MALRD1: variants seen among roughly 807,000 people sequenced by gnomAD.
MALRD1 encodes the protein MAM and LDL receptor class A domain containing 1.
MALRD1 carries 247 observed loss-of-function variants against 242.1 expected under a neutral mutation model. The ratio of observed to expected loss-of-function variants is 1.02; its 90% CI spans 0.92 to 1.13. The LOEUF (loss-of-function observed/expected upper bound fraction) is 1.13. MALRD1 is among the 50% of genes most tolerant of loss of function. MALRD1 has a pLI of 0.00. For synonymous variants in MALRD1, 995 were observed against 866.6 expected (o/e 1.15, Z -2.60); for missense variants, 2,989 against 2,533.1 (o/e 1.18, Z -3.86).
chr10:19,599,824 GGTTAGTCCATGCTGA>G (rs1179869090), intron 34 of MALRD1, among the ~76,000 whole-genome samples: 1 of 152,060 alleles, frequency 6.6e-6, no homozygotes, highest in Admixed American at 6.6e-5. Flanking sequence ...TAAGGCAAGC[GGTTAGTCCATGCTGA>G]TCTCAAAGAG....
intron 12 of MALRD1, among the ~76,000 whole-genome samples, chr10:19,160,648 T>C (rs1834355161): frequency 3.1e-5 from 1 of 32,632 alleles, no homozygotes; most frequent in Non-Finnish European, 6.2e-5. Flanking sequence ...GAGCCTGTTA[T>C]TGGTCTATTC....
chr10:19,185,315 T>A (rs1307619883), intron 14 of MALRD1, among the ~76,000 whole-genome samples: 2 of 152,194 alleles, frequency 1.3e-5, no homozygotes, highest in African/African-American at 2.4e-5. Context: ...GTGAGCACTA[T>A]AATTTATTTC....
intron 20 of MALRD1, among the ~76,000 whole-genome samples, chr10:19,282,006 C>A (rs1159705512): frequency 1.3e-5 from 2 of 148,614 alleles, no homozygotes; most frequent in East Asian, 2.0e-4. Context: ...AACATGAGAT[C>A]TACCATCTTA....
intron 18 of MALRD1, among the ~76,000 whole-genome samples, chr10:19,238,560 T>A (rs1838594419): frequency 2.4e-5 from 2 of 83,366 alleles, no homozygotes; most frequent in Non-Finnish European, 4.8e-5. Context: ...ATGTATATTA[T>A]ATATAATATA....
rs771305023 is a variant in MALRD1 at position 19,238,498 on chromosome 10, A to AATGTATATTATATATAATGTACATTAT, written c.2992-19184_2992-19183insGTATATTATATATAATGTACATTATAT. On this transcript the variant is annotated intron_variant, in intron 18 of 39. Transcript: ENST00000454679. ...ATAATATACATTATATATAATATAT[A>AATGTATATTATATATAATGTACATTAT]ATATAATATATAATGTATATTATAT... 2.1e-3 allele frequency among the ~76,000 whole-genome samples: 15 copies of AATGTATATTATATATAATGTACATTAT among 7,158 alleles called. 3 individuals are homozygous for AATGTATATTATATATAATGTACATTAT. The highest frequency in any genetic ancestry group is 8.1e-3 in the South Asian group (2 of 246). The allele number at this position is 7,158 out of a possible 152,430, so 4.7% of individuals were successfully genotyped here. A position where few individuals can be genotyped will look rare whatever the true frequency, so the allele number is the denominator to read the frequency against.
chr10:19,294,615 C>T (rs1189706749), intron 21 of MALRD1, among the ~76,000 whole-genome samples: 1 of 152,132 alleles, frequency 6.6e-6, no homozygotes, highest in Non-Finnish European at 1.5e-5. Flanking sequence ...GTGGTCCACT[C>T]AGGTAACGAC....
chr10:19,576,892 A>T (rs962339609), intron 33 of MALRD1, among the ~76,000 whole-genome samples: 1 of 151,432 alleles, frequency 6.6e-6, no homozygotes, highest in Non-Finnish European at 1.5e-5. Flanking sequence ...TATATCTTAT[A>T]AGGTATTGTT....
rs910090153 is a variant in MALRD1 at position 19,155,324 on chromosome 10, G to A, written c.1656+152G>A. 5.3e-5 allele frequency among the ~76,000 whole-genome samples: 8 copies of A among 152,250 alleles called. No homozygotes were observed. In the South Asian group the frequency reaches 1.2e-3, roughly 24 times the overall value. Reference sequence around the variant, plus strand: ...GCGCTATTTCAACACAAAATGCTACGTCCTTCTAGAATACCATTTGTAACA... The same window carrying A: ...GCGCTATTTCAACACAAAATGCTACATCCTTCTAGAATACCATTTGTAACA... On this transcript the variant is annotated intron_variant, in intron 12 of 39. Transcript: ENST00000454679.
At chr10:19,580,204 T>A (rs1448858988) in intron 33 of MALRD1, among the ~76,000 whole-genome samples, 1 of 152,210 alleles carries the variant, frequency 6.6e-6, no homozygotes, top group African/African-American at 2.4e-5. Flanking sequence ...TATTGGGGGT[T>A]ATACGAAGGC....
chr10:19,357,333 A>G (rs2078223766), intron 26 of MALRD1, among the ~76,000 whole-genome samples: 1 of 151,976 alleles, frequency 6.6e-6, no homozygotes, highest in African/African-American at 2.4e-5. Flanking sequence ...GTAACTGCCC[A>G]TGTAATTTAC....
At chr10:19,323,852 C>G in intron 21 of MALRD1, 97 bp from the exon 22 acceptor site, 2 of 1,082,032 alleles carry the variant, frequency 1.8e-6, no homozygotes, top group South Asian at 3.1e-5. Context: ...TGCAGGTGAT[C>G]CACCTGCCTC....
At position 19,692,527 on chromosome 10, in the gene MALRD1, T is replaced by C; in HGVS notation, c.6287T>C (p.Phe2096Ser). The C allele has an allele frequency of 6.5e-7, 1 of 1,535,836 alleles. No individual in the cohort carries two copies. ...MTHITVAVLC[F>S]LANRKVPIRK... ...CACATCACAGTTGCAGTCTTGTGTT[T>C]TCTTGCAAACAGAAAGGTACCAATA... Residue 2096 changes from phenylalanine to serine, a missense_variant, in exon 38 of 40, where the codon TTT (phenylalanine) becomes TCT (serine). Phe to Ser is a radical substitution (Grantham distance 155, BLOSUM62 -2). Coordinates refer to ENST00000454679, the MANE Select transcript of MALRD1 (RefSeq NM_001142308.3).
chr10:19,674,921 G>A (rs554838993), intron 36 of MALRD1, among the ~76,000 whole-genome samples: 191 of 150,984 alleles, frequency 1.3e-3, no homozygotes, highest in African/African-American at 4.2e-3. Flanking sequence ...AAAAAGGAAA[G>A]GCAGGAGAAA....
At chr10:19,207,045 T>C (rs1221446716) in intron 17 of MALRD1, among the ~76,000 whole-genome samples, 1 of 152,202 alleles carries the variant, frequency 6.6e-6, no homozygotes, top group African/African-American at 2.4e-5. Flanking sequence ...TCCTCTTCTG[T>C]GATTTTCCAA....
chr10:19,319,636 T>C (rs975285672), intron 21 of MALRD1, among the ~76,000 whole-genome samples: 1 of 152,072 alleles, frequency 6.6e-6, no homozygotes, highest in African/African-American at 2.4e-5. Flanking sequence ...GCTGGCGGAA[T>C]TGGTATCTGG....
At chr10:19,316,230 A>G (rs1436912140) in intron 21 of MALRD1, among the ~76,000 whole-genome samples, 1 of 151,726 alleles carries the variant, frequency 6.6e-6, no homozygotes, top group Non-Finnish European at 1.5e-5. Context: ...GCAATGCCAT[A>G]CAGTTTAGTT....
chr10:19,063,257 A>C (rs1834876249), intron 1 of MALRD1, among the ~76,000 whole-genome samples: 1 of 152,212 alleles, frequency 6.6e-6, no homozygotes, highest in African/African-American at 2.4e-5. Context: ...AAGAGGAAGA[A>C]AAATGTACAT....
intron 34 of MALRD1, among the ~76,000 whole-genome samples, chr10:19,605,429 A>G (rs1349159468): frequency 6.6e-6 from 1 of 151,056 alleles, no homozygotes; most frequent in African/African-American, 2.4e-5. Flanking sequence ...CGGCATTCCA[A>G]AGTGCTGGGA....
chr10:19,573,033 G>A (rs1836638739), intron 33 of MALRD1, among the ~76,000 whole-genome samples: 1 of 152,162 alleles, frequency 6.6e-6, no homozygotes, highest in African/African-American at 2.4e-5. Context: ...TGGGAACATT[G>A]AACTCTATTT....
Sources: gnomAD v4.1 joint callset for allele counts (sites outside exome capture counted in the v4.1 genomes callset) on GRCh38, gnomAD v4.1.1 for gene constraint, MANE v1.5 for transcripts, NCBI Gene and HGNC (gene_info 2026-07-23, HGNC 2026-07-21) for gene names.